The following TMEM145 variants were observed in gnomAD, a reference collection of about 807,000 sequenced individuals.
TMEM145 encodes the protein transmembrane protein 145.
TMEM145 carries 46 observed loss-of-function variants against 68.5 expected under a neutral mutation model. The observed-to-expected ratio is 0.67, with a 90% CI of 0.53 to 0.86. The LOEUF (loss-of-function observed/expected upper bound fraction) is 0.86, where lower values mean the gene tolerates loss of function less well. Among genes scored for constraint, TMEM145 ranks in the 40% least tolerant of loss-of-function variants. The pLI, the probability that TMEM145 is intolerant of heterozygous loss-of-function variation, is 0.00. For missense variants in TMEM145, 570 were observed against 645.8 expected (o/e 0.88, Z 1.27); for synonymous variants, 255 against 280.2 (o/e 0.91, Z 0.90).
Position 42,316,858 on chromosome 19 carries a change from G to A in TMEM145, c.807-12G>A. ...CCCCACCCTGCTGTCTCCCCTCATG[G>A]CCTGCTGCCAGGGGCCGCATCAGCC... is the stretch of plus-strand genomic sequence containing the variant. On this transcript the variant is annotated splice_polypyrimidine_tract_variant and intron_variant, in intron 10 of 14. Coordinates refer to ENST00000301204, the MANE Select transcript of TMEM145 (RefSeq NM_173633.3). 16 of 1,612,836 alleles carry A rather than the reference G, an allele frequency of 9.9e-6. No homozygotes were observed. Among genetic ancestry groups the A allele is most frequent in the Non-Finnish European group, 1.4e-5 (16 of 1,179,840 alleles).
intron 11 of TMEM145, among the ~76,000 whole-genome samples, chr19:42,317,371 G>A (rs2038869478): frequency 6.6e-6 from 1 of 152,188 alleles, no homozygotes. Context: ...TCTATCGTCT[G>A]TATGGCTTTG....
intron 13 of TMEM145, chr19:42,321,006 C>T (rs931030920): frequency 3.5e-5 from 14 of 398,818 alleles, no homozygotes; most frequent in Non-Finnish European, 5.3e-5. Context: ...CTCTCTTTGC[C>T]CTCCCTTCCC....
At chr19:42,317,052 A>T in intron 11 of TMEM145, 89 bp downstream of exon 11, 1 of 1,108,114 alleles carries the variant, frequency 9.0e-7, no homozygotes, top group Admixed American at 2.0e-5. Context: ...CCTTGCCCAC[A>T]TCCTGCTCCT....
In TMEM145 at chr19:42,317,795, G is replaced by A; in HGVS notation, c.987G>A (p.Trp329Ter). The A allele has an allele frequency of 6.2e-7, 1 of 1,614,202 alleles. No individual in the cohort carries two copies. The highest frequency in any genetic ancestry group is 8.5e-7 in the Non-Finnish European group (1 of 1,180,034). The stretch of plus-strand genomic sequence containing the variant: ...GACTGCAGGTGGCGGCCTACGTGTG[G>A]TTCTGCTATGCTGTGCTTGTCTCAC... ...LIGLQVAAYV[W>*]FCYAVLVSLR... Residue 329 changes from tryptophan (W) to a stop codon, truncating the protein, a stop_gained, in exon 12 of 15, where the codon TGG becomes TGA. Coordinates refer to ENST00000301204, the MANE Select transcript of TMEM145 (RefSeq NM_173633.3). LOFTEE classifies it high-confidence loss of function.
chr19:42,323,658 G>GT lies in TMEM145; in HGVS notation c.1271dup (p.Gly426TrpfsTer9), dbSNP rs2038932876. 1 of 1,614,062 alleles carries GT rather than the reference G, an allele frequency of 6.2e-7. No individual in the cohort carries two copies. The highest frequency in any genetic ancestry group is 8.5e-7 in the Non-Finnish European group (1 of 1,180,032). On this transcript the variant is annotated frameshift_variant, in exon 14 of 15. Coordinates refer to ENST00000301204, the MANE Select transcript of TMEM145 (RefSeq NM_173633.3). LOFTEE classifies it high-confidence loss of function. The stretch of plus-strand genomic sequence containing the variant: ...CACGTCGCAGATCGCTTCAGCCGGA[G>GT]TCCCTGGACCCGGAGGGAGCCAATC...
chr19:42,324,637 T>C, intron 14 of TMEM145, 100 bp from the exon 15 acceptor site: 9 of 1,129,568 alleles, frequency 8.0e-6, no homozygotes, highest in Admixed American at 5.2e-5. Context: ...TCCCGACCCT[T>C]CCCACCCCGC....
chr19:42,320,221 T>C, intron 12 of TMEM145, 96 bp from the exon 13 acceptor site: 2 of 1,540,800 alleles, frequency 1.3e-6, no homozygotes, highest in Admixed American at 3.4e-5. Context: ...GGGACCTGCC[T>C]GGGGTCTGCG....
intron 14 of TMEM145, 41 bp from the exon 15 acceptor site, chr19:42,324,696 A>G: frequency 1.0e-6 from 1 of 1,000,076 alleles, no homozygotes; most frequent in Non-Finnish European, 1.3e-6. Context: ...CTCTGTGCCA[A>G]ACGGTCCCGC....
chr19:42,324,646 G>A (rs980565948), intron 14 of TMEM145, 91 bp from the exon 15 acceptor site: 1 of 112,132 alleles, frequency 8.9e-6, no homozygotes, highest in Admixed American at 4.3e-4. Flanking sequence ...TTCCCACCCC[G>A]CGCGCCCAGG....
Position 42,324,874 on chromosome 19 carries a change from C to A in TMEM145, c.*57C>A. 6.9e-7 allele frequency: 1 copy of A among 1,442,468 alleles called. No homozygotes were observed. Among genetic ancestry groups the A allele is most frequent in the South Asian group, 1.5e-5 (1 of 68,610 alleles). 89.4% of individuals were successfully genotyped at this position (1,442,468 alleles called of 1,614,324 possible). ...CGCCGGGACCCTGCCTGTGACTCTC[C>A]AGGACTCTGCGACCCCGGGATGGAT... On this transcript the variant is annotated 3_prime_UTR_variant, in exon 15 of 15. Coordinates refer to ENST00000301204, the MANE Select transcript of TMEM145 (RefSeq NM_173633.3).
At position 42,313,415 on chromosome 19, in the gene TMEM145, G is replaced by A. The variant is rs1355685034; in HGVS notation, c.39G>A (p.Leu13=). ...GCGCGCCCGCGCTGCGCCGCCTGCT[G>A]CCGCCGCTGCTGCTCCTGCTGCTGT... ...PLRAPALRRL[L]PPLLLLLLSL... Residue 13 remains leucine (L), a synonymous_variant, in exon 1 of 15, where the codon CTG becomes CTA. Coordinates refer to ENST00000301204, the MANE Select transcript of TMEM145 (RefSeq NM_173633.3). The surrounding 1 kb of genome is among the most constrained non-coding windows in gnomAD (Gnocchi z 5.1). 3 of 1,365,536 alleles carry A rather than the reference G, an allele frequency of 2.2e-6. No homozygotes were observed. The highest frequency in any genetic ancestry group is 3.6e-5 in the South Asian group (2 of 55,738). 84.6% of individuals were successfully genotyped at this position (1,365,536 alleles called of 1,614,324 possible).
chr19:42,323,072 A>G (rs1368730907), intron 13 of TMEM145, among the ~76,000 whole-genome samples: 4 of 152,230 alleles, frequency 2.6e-5, no homozygotes, highest in Non-Finnish European at 5.9e-5. Flanking sequence ...AGTAGGGAAC[A>G]GAAGAGTCTG....
chr19:42,324,964 T>C lies in TMEM145; in HGVS notation c.*147T>C. 4 of 1,226,212 alleles carry C rather than the reference T, an allele frequency of 3.3e-6. No individual in the cohort carries two copies. The South Asian group carries it at 1.2e-4, about 36-fold the overall frequency. 76.0% of individuals were successfully genotyped at this position (1,226,212 alleles called of 1,614,324 possible). A position where few individuals can be genotyped will look rare whatever the true frequency, so the allele number is the denominator to read the frequency against. The stretch of plus-strand genomic sequence containing the variant: ...TCTGTGACCTCGGACCCGTACTCCA[T>C]CTGCCGCATCTCCATTCCGGGGGCC... On this transcript the variant is annotated 3_prime_UTR_variant, in exon 15 of 15. Transcript: ENST00000301204.
intron 11 of TMEM145, 67 bp downstream of exon 11, chr19:42,317,030 C>A: frequency 7.2e-7 from 1 of 1,392,904 alleles, no homozygotes; most frequent in Non-Finnish European, 1.0e-6. Context: ...CCCCCTTGAC[C>A]TGTCTGCTCG....
chr19:42,313,382 G>A lies in TMEM145; in HGVS notation c.6G>A (p.Glu2=). 7.3e-6 allele frequency: 9 copies of A among 1,238,984 alleles called. No individual in the cohort carries two copies. Among genetic ancestry groups the A allele is most frequent in the South Asian group, 4.4e-5 (2 of 45,918 alleles). 76.7% of individuals were successfully genotyped at this position (1,238,984 alleles called of 1,614,324 possible). M[E]PLRAPALRRL... ...CCGGGGCCGGAGCGGGCGGAATGGA[G>A]CCCCTGCGCGCGCCCGCGCTGCGCC... Residue 2 remains glutamate (E), a synonymous_variant, in exon 1 of 15, where the codon GAG becomes GAA. Coordinates refer to ENST00000301204, the MANE Select transcript of TMEM145 (RefSeq NM_173633.3). This position sits in a 1 kb window ranked among gnomAD's most constrained non-coding sequence, Gnocchi z 5.1.
chr19:42,323,813 C>A (rs758760599), intron 14 of TMEM145, 24 bp downstream of exon 14: 2 of 1,608,248 alleles, frequency 1.2e-6, no homozygotes, highest in Admixed American at 1.7e-5. Flanking sequence ...CCCCAGCGCC[C>A]GAGGAGCTGC....
chr19:42,320,384 A>C lies in TMEM145; in HGVS notation c.1141A>C (p.Ile381Leu). ...FGIPKWAREKIVNGIQLGIHL... is the reference protein window; with the variant it reads ...FGIPKWAREKLVNGIQLGIHL... ...CATCCCCAAGTGGGCCCGGGAGAAG[A>C]TTGTCAATGGCATCCAGCTGGGGAT... The change falls in exon 13 of 15, where the codon ATT becomes CTT. Residue 381 changes from isoleucine (I) to leucine (L), a missense_variant. By Grantham distance (5) the Ile-to-Leu change is conservative. Coordinates refer to ENST00000301204, the MANE Select transcript of TMEM145 (RefSeq NM_173633.3). The C allele has an allele frequency of 6.2e-7, 1 of 1,614,022 alleles. No homozygotes were observed. Among genetic ancestry groups the C allele is most frequent in the African/African-American group, 1.3e-5 (1 of 75,002 alleles).
intron 12 of TMEM145, among the ~76,000 whole-genome samples, chr19:42,318,871 C>T (rs1372543747): frequency 6.6e-6 from 1 of 152,094 alleles, no homozygotes; most frequent in African/African-American, 2.4e-5. Flanking sequence ...CATTTGAGAT[C>T]AGGAGTTCAA....
chr19:42,316,641 C>T (rs2038860563), intron 9 of TMEM145, 21 bp from the exon 10 acceptor site: 1 of 1,613,788 alleles, frequency 6.2e-7, no homozygotes, highest in Non-Finnish European at 8.5e-7. Context: ...CTCTGAGCCG[C>T]CCCCTCCTCC....
Sources: gnomAD v4.1 joint callset for allele counts (sites outside exome capture counted in the v4.1 genomes callset) on GRCh38, gnomAD v4.1.1 for gene constraint, Gnocchi (gnomAD v3.1) non-coding constraint, MANE v1.5 for transcripts, NCBI Gene and HGNC (gene_info 2026-07-23, HGNC 2026-07-21) for gene names.